The following CNTNAP2 variants were observed in gnomAD, a reference collection of about 807,000 sequenced individuals.
CNTNAP2 encodes the protein contactin associated protein 2.
CNTNAP2 carries 98 observed loss-of-function variants against 155.2 expected under a neutral mutation model. That is an observed-to-expected ratio of 0.63 (90% CI 0.54 to 0.75). CNTNAP2 has a LOEUF of 0.75. Among genes scored for constraint, CNTNAP2 ranks in the 30% least tolerant of loss-of-function variants. The probability of loss-of-function intolerance (pLI) is 0.00; values close to 1 mark genes in which losing one functional copy is unlikely to be tolerated. For missense variants in CNTNAP2, 1,727 were observed against 1,688.1 expected (o/e 1.02, Z -0.40); for synonymous variants, 651 against 631.2 (o/e 1.03, Z -0.47).
chr7:146,971,512 A>G (rs979496840), intron 3 of CNTNAP2, among the ~76,000 whole-genome samples: 1 of 152,182 alleles, frequency 6.6e-6, no homozygotes, highest in Non-Finnish European at 1.5e-5. Flanking sequence ...TTAGAGGTGG[A>G]TAGCTTATCA....
intron 18 of CNTNAP2, among the ~76,000 whole-genome samples, chr7:148,200,551 G>C (rs1795353140): frequency 6.6e-6 from 1 of 151,652 alleles, no homozygotes; most frequent in African/African-American, 2.4e-5. Flanking sequence ...TGCACCACCA[G>C]GCCTGGCTTT....
chr7:146,340,455 A>G (rs1801362873), intron 1 of CNTNAP2, among the ~76,000 whole-genome samples: 1 of 151,916 alleles, frequency 6.6e-6, no homozygotes, highest in Non-Finnish European at 1.5e-5. Context: ...TGCTAAAGCT[A>G]GGGTTGACAG....
At chr7:147,270,494 C>T (rs916967790) in intron 8 of CNTNAP2, among the ~76,000 whole-genome samples, 3 of 152,198 alleles carry the variant, frequency 2.0e-5, no homozygotes, top group African/African-American at 7.2e-5. Flanking sequence ...TAAAATTACA[C>T]ATGTGGCTTA....
intron 13 of CNTNAP2, among the ~76,000 whole-genome samples, chr7:147,813,469 A>C (rs1294932550): frequency 6.6e-6 from 1 of 152,226 alleles, no homozygotes; most frequent in African/African-American, 2.4e-5. Flanking sequence ...TTTTAAATGT[A>C]ATCATTAATA....
chr7:146,832,423 G>T (rs1244872483), intron 2 of CNTNAP2, among the ~76,000 whole-genome samples: 1 of 150,154 alleles, frequency 6.7e-6, no homozygotes, highest in East Asian at 1.9e-4. Context: ...TTTAACTACT[G>T]CAAATTTTAA....
intron 22 of CNTNAP2, among the ~76,000 whole-genome samples, chr7:148,391,045 CCTT>C (rs1799335751): frequency 6.6e-6 from 1 of 152,120 alleles, no homozygotes; most frequent in African/African-American, 2.4e-5. Flanking sequence ...GTCTTTCAGT[CCTT>C]CTGATTTTAT....
chr7:147,621,042 A>C (rs1750945807), intron 12 of CNTNAP2, among the ~76,000 whole-genome samples: 1 of 152,204 alleles, frequency 6.6e-6, no homozygotes, highest in African/African-American at 2.4e-5. Flanking sequence ...CAGACTTTTC[A>C]GTTGAAACCT....
intron 14 of CNTNAP2, among the ~76,000 whole-genome samples, chr7:147,949,458 A>ATTTT (rs199529235): frequency 2.2e-5 from 3 of 137,408 alleles, no homozygotes; most frequent in Admixed American, 7.2e-5. Flanking sequence ...ATATATATAT[A>ATTTT]TTTTTTTTTT....
intron 21 of CNTNAP2, among the ~76,000 whole-genome samples, chr7:148,294,762 T>G (rs1797253269): frequency 6.6e-6 from 1 of 152,158 alleles, no homozygotes; most frequent in Admixed American, 6.5e-5. Flanking sequence ...TATGAATCTC[T>G]TTTCCTTACG....
intron 1 of CNTNAP2, among the ~76,000 whole-genome samples, chr7:146,624,590 A>G (rs1451577496): frequency 1.3e-5 from 2 of 151,604 alleles, no homozygotes; most frequent in African/African-American, 4.8e-5. Context: ...ACTCTCTTCC[A>G]TTTTCTATTC....
At chr7:146,215,501 G>C (rs1799099034) in intron 1 of CNTNAP2, among the ~76,000 whole-genome samples, 1 of 152,018 alleles carries the variant, frequency 6.6e-6, no homozygotes, top group African/African-American at 2.4e-5. Flanking sequence ...CACTAGATAA[G>C]TGATTCTGAC....
chr7:147,378,112 G>A (rs193186885), intron 9 of CNTNAP2: 5 of 442,992 alleles, frequency 1.1e-5, no homozygotes, highest in East Asian at 1.4e-4. Context: ...AACCTAATAC[G>A]TTAGAACTCA....
At chr7:148,277,308 T>C (rs539194066) in intron 21 of CNTNAP2, among the ~76,000 whole-genome samples, 1 of 152,236 alleles carries the variant, frequency 6.6e-6, no homozygotes, top group South Asian at 2.1e-4. Flanking sequence ...GTCCCTTTCT[T>C]TGACTCAGGC....
rs373252020 is a variant in CNTNAP2, at chr7:148,100,212, C to CCTT, written c.2384-17903_2384-17901dup. 4.0e-3 allele frequency among the ~76,000 whole-genome samples: 602 copies of CCTT among 152,180 alleles called. 5 individuals are homozygous for CCTT. The highest frequency in any genetic ancestry group is 0.014 in the African/African-American group (585 of 41,526). On this transcript the variant is annotated intron_variant, in intron 15 of 23. Coordinates refer to ENST00000361727, the MANE Select transcript of CNTNAP2 (RefSeq NM_014141.6). The stretch of plus-strand genomic sequence containing the variant: ...GAAGACTTGTTGGACTCTTGTCTTT[C>CCTT]CTTCTCCTTCCTCTTTCCTTTTCCT...
chr7:146,506,808 C>T (rs1201138477), intron 1 of CNTNAP2, among the ~76,000 whole-genome samples: 1 of 152,176 alleles, frequency 6.6e-6, no homozygotes, highest in Admixed American at 6.5e-5. Context: ...AGGTATTAAA[C>T]CATATGGTAT....
At chr7:147,578,611 G>A (rs953774561) in intron 12 of CNTNAP2, among the ~76,000 whole-genome samples, 11 of 152,006 alleles carry the variant, frequency 7.2e-5, no homozygotes, top group African/African-American at 2.7e-4. Flanking sequence ...TATTTATTAA[G>A]TATATTCCTA....
chr7:147,924,590 C>T (rs947559393), intron 14 of CNTNAP2, among the ~76,000 whole-genome samples: 7 of 152,028 alleles, frequency 4.6e-5, no homozygotes, highest in African/African-American at 9.7e-5. Flanking sequence ...AAGGAGTGAA[C>T]GGGAGGCAAT....
At chr7:148,101,136 G>C (rs1289120039) in intron 15 of CNTNAP2, among the ~76,000 whole-genome samples, 3 of 129,822 alleles carry the variant, frequency 2.3e-5, no homozygotes, top group African/African-American at 5.4e-5. Context: ...ACTGTTGTGG[G>C]GTGGGGGGAG....
intron 15 of CNTNAP2, among the ~76,000 whole-genome samples, chr7:148,098,402 C>T (rs1055142157): frequency 7.2e-5 from 10 of 139,162 alleles, no homozygotes; most frequent in Non-Finnish European, 9.1e-5. Context: ...CAAGATCACG[C>T]CACTGCACTC....
Sources: allele counts gnomAD v4.1 joint callset (sites outside exome capture counted in the v4.1 genomes callset), GRCh38; gene constraint gnomAD v4.1.1; transcripts MANE v1.5; gene names NCBI Gene and HGNC (gene_info 2026-07-23, HGNC 2026-07-21).